TGM4: variants seen among roughly 807,000 people sequenced by gnomAD.
The protein encoded by TGM4 is protein-glutamine gamma-glutamyltransferase 4.
Under a neutral mutation model 76.3 loss-of-function variants are expected in TGM4, and 61 were observed. That is an observed-to-expected ratio of 0.80 (90% confidence interval 0.65 to 0.99). The LOEUF is 0.99. Ranked by LOEUF, TGM4 falls within the 50% of genes least tolerant of loss-of-function variation. TGM4 has a pLI of 0.00. For synonymous variants in TGM4, 337 were observed against 329.8 expected (o/e 1.02, Z -0.24); for missense variants, 794 against 843.2 (o/e 0.94, Z 0.72).
intron 4 of TGM4, among the ~76,000 whole-genome samples, chr3:44,892,420 T>TG (rs1197986779): frequency 1.4e-5 from 2 of 147,830 alleles, no homozygotes; most frequent in Non-Finnish European, 3.0e-5. Context: ...TGGAGTGCAA[T>TG]GGCGCAATGG....
Position 44,910,072 on chromosome 3 carries a change from C to T in TGM4, c.1328-18C>T, listed in dbSNP as rs1326819865. Reference sequence around the variant, plus strand: ...TTGAAGGAGCACCTGAAGGAAGCTGCCTTTGTGTCTCTTTCAGGCTCCTCT... The same window carrying T: ...TTGAAGGAGCACCTGAAGGAAGCTGTCTTTGTGTCTCTTTCAGGCTCCTCT... On this transcript the variant is annotated intron_variant, in intron 10 of 13. Transcript: ENST00000296125. 12 of 1,608,150 alleles carry T rather than the reference C, an allele frequency of 7.5e-6. No homozygotes were observed. The highest frequency in any genetic ancestry group is 1.3e-5 in the African/African-American group (1 of 74,656).
rs183446058 is a variant in TGM4, at chr3:44,914,957, C to G, written c.*1232C>G. The G allele has an allele frequency of 2.6e-5, 4 of 152,250 alleles. No homozygotes were observed. Among genetic ancestry groups the G allele is most frequent in the Middle Eastern group, 3.4e-3 (1 of 294 alleles). 9.4% of individuals were successfully genotyped at this position (152,250 alleles called of 1,614,324 possible). ...CCAAGTTGCCCACATCCCTGGCATA[C>G]AGTAGGTGTTCAATAAATGTTTATT... On this transcript the variant is annotated 3_prime_UTR_variant, in exon 14 of 14. Transcript: ENST00000296125.
Position 44,901,817 on chromosome 3 carries a change from C to A in TGM4, c.857C>A (p.Ala286Glu), listed in dbSNP as rs1699858092. ...GTGCTGAGAGCGTTGGGCATCCCAG[C>A]ACGCAGTGTGACAGGCTTCGATTCA... Reference protein sequence around the residue: ...TTVLRALGIPARSVTGFDSAH... With the variant: ...TTVLRALGIPERSVTGFDSAH... The change falls in exon 8 of 14, where the codon GCA becomes GAA. Residue 286 changes from alanine to glutamate, a missense_variant. Physicochemically the swap from Ala to Glu is moderately radical, Grantham distance 107. Transcript: ENST00000296125. 1 of 1,614,146 alleles carries A rather than the reference C, an allele frequency of 6.2e-7. No individual in the cohort carries two copies. The highest frequency in any genetic ancestry group is 1.3e-5 in the African/African-American group (1 of 75,042).
At chr3:44,904,076 A>G in intron 9 of TGM4, 89 bp downstream of exon 9, 1 of 1,154,436 alleles carries the variant, frequency 8.7e-7, no homozygotes, top group Non-Finnish European at 1.3e-6. Flanking sequence ...GCAGCCAAGC[A>G]GGTGGGGAAA....
intron 13 of TGM4, among the ~76,000 whole-genome samples, chr3:44,913,205 C>G (rs1028597565): frequency 4.6e-5 from 7 of 152,192 alleles, no homozygotes; most frequent in Non-Finnish European, 7.4e-5. Flanking sequence ...TAGTGAGGGG[C>G]TAGCCAATTC....
intron 5 of TGM4, among the ~76,000 whole-genome samples, chr3:44,895,327 T>G (rs768021014): frequency 3.3e-5 from 5 of 151,714 alleles, no homozygotes; most frequent in Non-Finnish European, 7.4e-5. Flanking sequence ...AGCGGTGATT[T>G]TAAGAAGCCC....
chr3:44,898,236 G>T (rs910175308), intron 6 of TGM4, among the ~76,000 whole-genome samples: 1 of 145,894 alleles, frequency 6.9e-6, no homozygotes, highest in Non-Finnish European at 1.5e-5. Context: ...AGCCAAGATC[G>T]CACCACTGTA....
At chr3:44,912,811 G>A (rs1700022082) in intron 13 of TGM4, among the ~76,000 whole-genome samples, 1 of 152,038 alleles carries the variant, frequency 6.6e-6, no homozygotes, top group Admixed American at 6.5e-5. Flanking sequence ...TATTAGTTGG[G>A]TTAATTCCAA....
Position 44,901,883 on chromosome 3 carries a change from T to C in TGM4, c.923T>C (p.Val308Ala), listed in dbSNP as rs1215328339. ...TERNLTVDTYVNENGEKITSM... is the reference protein window; with the variant it reads ...TERNLTVDTYANENGEKITSM... ...AGGAACCTCACGGTGGACACCTATG[T>C]GAATGAGAATGGCGAGAAAATCACC... is the stretch of plus-strand genomic sequence containing the variant. The change falls in exon 8 of 14, where the codon GTG becomes GCG. Residue 308 changes from valine to alanine, a missense_variant. Physicochemically the swap from Val to Ala is moderately conservative, Grantham distance 64 (BLOSUM62 0). Transcript: ENST00000296125. 1.2e-6 allele frequency: 2 copies of C among 1,614,226 alleles called. No individual in the cohort carries two copies. The highest frequency in any genetic ancestry group is 1.7e-6 in the Non-Finnish European group (2 of 1,180,034).
At position 44,913,825 on chromosome 3, in the gene TGM4, G is replaced by C. The variant is rs1049905990; in HGVS notation, c.*100G>C. The C allele has an allele frequency of 8.0e-6, 12 of 1,494,974 alleles. No individual in the cohort carries two copies. The highest frequency in any genetic ancestry group is 2.8e-5 in the African/African-American group (2 of 71,104). The allele number at this position is 1,494,974 out of a possible 1,614,324, so 92.6% of individuals were successfully genotyped here. A position where few individuals can be genotyped will look rare whatever the true frequency, so the allele number is the denominator to read the frequency against. On this transcript the variant is annotated 3_prime_UTR_variant, in exon 14 of 14. Coordinates refer to ENST00000296125, the MANE Select transcript of TGM4 (RefSeq NM_003241.4). The stretch of plus-strand genomic sequence containing the variant: ...TGATTAAATTTGATGACTTATATGA[G>C]GGCAGATTCAAGAGCCAGCAGGTCA...
chr3:44,880,958 C>T (rs1699523481), intron 1 of TGM4, among the ~76,000 whole-genome samples: 1 of 152,126 alleles, frequency 6.6e-6, no homozygotes, highest in African/African-American at 2.4e-5. Context: ...TGGCTCGTGT[C>T]TGTAATTCCA....
At chr3:44,909,294 C>A (rs1245157081) in intron 10 of TGM4, among the ~76,000 whole-genome samples, 1 of 152,190 alleles carries the variant, frequency 6.6e-6, no homozygotes, top group Non-Finnish European at 1.5e-5. Flanking sequence ...TCTAGATTTC[C>A]AGGAATCTGT....
At chr3:44,897,320 G>A (rs186095004) in intron 6 of TGM4, among the ~76,000 whole-genome samples, 1 of 152,270 alleles carries the variant, frequency 6.6e-6, no homozygotes, top group African/African-American at 2.4e-5. Context: ...TCAGACCTGA[G>A]TCTGAACTCC....
rs369455504 is a variant in TGM4 at position 44,901,643 on chromosome 3, G to A, written c.777G>A (p.Thr259=). The A allele has an allele frequency of 4.3e-6, 7 of 1,614,084 alleles. No homozygotes were observed. The Admixed American group carries it at 6.7e-5, about 15-fold the overall frequency. ...CGATCCTGCAGCAGTACTACAACAC[G>A]AAGCAGGCTGTGTGCTTTGGCCAGT... ...SAPILQQYYN[T]KQAVCFGQCW... The change falls in exon 7 of 14, where the codon ACG becomes ACA. Residue 259 remains threonine (T), a synonymous_variant. Transcript: ENST00000296125.
intron 1 of TGM4, among the ~76,000 whole-genome samples, chr3:44,874,936 T>C (rs1699430984): frequency 6.6e-6 from 1 of 152,236 alleles, no homozygotes; most frequent in Non-Finnish European, 1.5e-5. Context: ...CATATATCCT[T>C]TATCCAGATT....
chr3:44,897,670 A>G (rs1006820518), intron 6 of TGM4, among the ~76,000 whole-genome samples: 4 of 152,234 alleles, frequency 2.6e-5, no homozygotes, highest in African/African-American at 9.6e-5. Context: ...AAGGACCCCA[A>G]ATAAGTTGTA....
chr3:44,879,255 C>CTATATA (rs1177204893), intron 1 of TGM4, among the ~76,000 whole-genome samples: 5 of 99,888 alleles, frequency 5.0e-5, no homozygotes, highest in Non-Finnish European at 1.1e-4. Context: ...CTCTCTCTCT[C>CTATATA]TCTCTCTCTC....
intron 5 of TGM4, among the ~76,000 whole-genome samples, chr3:44,894,501 T>A (rs530195122): frequency 1.1e-5 from 1 of 90,016 alleles, no homozygotes; most frequent in Admixed American, 1.2e-4. Context: ...AATGTTGGCC[T>A]TGACAAAGAG....
Position 44,896,734 on chromosome 3 carries a change from G to A in TGM4, c.575G>A (p.Cys192Tyr), listed in dbSNP as rs1022365087. ...TTTGAGAAAAATGTCCTGGACTGCT[G>A]CATTTCCCTGCTGACTGAGAGCTCC... Reference protein sequence around the residue: ...GQFEKNVLDCCISLLTESSLK... With the variant: ...GQFEKNVLDCYISLLTESSLK... Residue 192 changes from cysteine (C) to tyrosine (Y), a missense_variant, in exon 6 of 14, where the codon TGC (cysteine) becomes TAC (tyrosine). By Grantham distance (194) the Cys-to-Tyr change is radical. Transcript: ENST00000296125. 1.9e-6 allele frequency: 3 copies of A among 1,614,020 alleles called. No individual in the cohort carries two copies. The African/African-American group carries it at 4.0e-5, about 22-fold the overall frequency.
Sources: allele counts gnomAD v4.1 joint callset (sites outside exome capture counted in the v4.1 genomes callset), GRCh38; gene constraint gnomAD v4.1.1; transcripts MANE v1.5; gene names NCBI Gene and HGNC (gene_info 2026-07-23, HGNC 2026-07-21).